Variants in LPP observed in about 807,000 individuals in gnomAD.
LPP encodes lipoma-preferred partner.
Under a neutral mutation model 60.4 loss-of-function variants are expected in LPP, and 38 were observed. That is an observed-to-expected ratio of 0.63 (90% CI 0.49 to 0.83). LPP has a LOEUF of 0.83. LPP is among the 40% of genes least tolerant of loss of function. The probability of loss-of-function intolerance (pLI) is 0.00; values close to 1 mark genes in which losing one functional copy is unlikely to be tolerated. For synonymous variants in LPP, 328 were observed against 290.8 expected (o/e 1.13, Z -1.30); for missense variants, 902 against 783.6 (o/e 1.15, Z -1.80).
At chr3:188,174,615 A>T (rs1722551468) in intron 1 of LPP, among the ~76,000 whole-genome samples, 1 of 152,198 alleles carries the variant, frequency 6.6e-6, no homozygotes, top group South Asian at 2.1e-4. Flanking sequence ...TACCCTGTAT[A>T]TCTTCCTTAT....
Position 188,424,484 on chromosome 3 carries a change from C to T in LPP, c.193+18171C>T, listed in dbSNP as rs1788753134. ...AAATTTAAACTAGTTTTTTCTACTT[C>T]TGTGAAGAATGTCAATGCTAGCTTG... On this transcript the variant is annotated intron_variant, in intron 4 of 11. Transcript: ENST00000617246. Among the ~76,000 whole-genome samples the T allele has an allele frequency of 2.0e-5, 3 of 152,038 alleles. No homozygotes were observed. In the South Asian group the frequency reaches 6.2e-4, roughly 32 times the overall value.
In LPP at chr3:188,884,389, A is replaced by G. The variant is rs774424230; in HGVS notation, c.*9910A>G. On this transcript the variant is annotated 3_prime_UTR_variant, in exon 12 of 12. Transcript: ENST00000617246. The stretch of plus-strand genomic sequence containing the variant: ...GTCATCCAGGGAAATTCAGAGACCA[A>G]TTGACTGCCAGGTGGCAAATCCACA... 8.7e-6 allele frequency: 2 copies of G among 230,138 alleles called. No individual in the cohort carries two copies. The highest frequency in any genetic ancestry group is 6.2e-5 in the East Asian group (1 of 16,154). The allele number at this position is 230,138 out of a possible 1,614,324, so 14.3% of individuals were successfully genotyped here.
intron 5 of LPP, among the ~76,000 whole-genome samples, chr3:188,507,657 C>T (rs1559813): frequency 6.6e-6 from 1 of 152,020 alleles, no homozygotes; most frequent in Admixed American, 6.5e-5. Flanking sequence ...CTGTGGTGCC[C>T]CAGAGAAGCG....
At chr3:188,659,162 A>G (rs2149087371) in intron 7 of LPP, among the ~76,000 whole-genome samples, 1 of 152,216 alleles carries the variant, frequency 6.6e-6, no homozygotes, top group Admixed American at 6.5e-5. Context: ...AGCAGGGATA[A>G]TTTTTCTTCA....
At chr3:188,437,315 C>T (rs1792575271) in intron 4 of LPP, among the ~76,000 whole-genome samples, 1 of 152,140 alleles carries the variant, frequency 6.6e-6, no homozygotes, top group African/African-American at 2.4e-5. Flanking sequence ...CTTGTGTATC[C>T]TTCAACAGGA....
intron 7 of LPP, among the ~76,000 whole-genome samples, chr3:188,623,504 C>T (rs898758568): frequency 2.6e-5 from 4 of 152,234 alleles, no homozygotes; most frequent in East Asian, 1.9e-4. Flanking sequence ...GTGGCCCACC[C>T]GCCTTGGCCC....
chr3:188,337,451 T>A (rs1761966526), intron 2 of LPP, among the ~76,000 whole-genome samples: 1 of 152,132 alleles, frequency 6.6e-6, no homozygotes, highest in African/African-American at 2.4e-5. Context: ...CTTGCTGGGA[T>A]CCTTTTGTGT....
At chr3:188,703,483 G>A (rs956920459) in intron 7 of LPP, among the ~76,000 whole-genome samples, 4 of 152,118 alleles carry the variant, frequency 2.6e-5, no homozygotes, top group Non-Finnish European at 2.9e-5. Flanking sequence ...AACTCTTAAC[G>A]GAGGAACCCT....
chr3:188,640,438 C>T (rs943757189), intron 7 of LPP, among the ~76,000 whole-genome samples: 4 of 148,672 alleles, frequency 2.7e-5, no homozygotes, highest in African/African-American at 7.4e-5. Flanking sequence ...TTAGTGGGTG[C>T]AGCGCACCAG....
chr3:188,701,488 T>C (rs1456177050), intron 7 of LPP, among the ~76,000 whole-genome samples: 1 of 152,244 alleles, frequency 6.6e-6, no homozygotes, highest in Non-Finnish European at 1.5e-5. Context: ...GCATATTGTA[T>C]TGCCGTAAGG....
At chr3:188,365,968 A>AC (rs1771038797) in intron 3 of LPP, among the ~76,000 whole-genome samples, 1 of 152,120 alleles carries the variant, frequency 6.6e-6, no homozygotes, top group Admixed American at 6.5e-5. Context: ...AACTACAGCC[A>AC]CCGCACTGTG....
At chr3:188,456,018 G>A (rs1579033905) in intron 4 of LPP, among the ~76,000 whole-genome samples, 2 of 152,220 alleles carry the variant, frequency 1.3e-5, no homozygotes, top group South Asian at 2.1e-4. Context: ...ACAGCTTCTC[G>A]AGTAGCTGGG....
At chr3:188,257,056 G>A (rs1465234534) in intron 2 of LPP, among the ~76,000 whole-genome samples, 4 of 152,170 alleles carry the variant, frequency 2.6e-5, no homozygotes, top group Non-Finnish European at 5.9e-5. Context: ...AGTTGTCTGA[G>A]GTTATGAGGT....
intron 9 of LPP, among the ~76,000 whole-genome samples, chr3:188,841,461 G>A (rs1012749738): frequency 5.5e-5 from 8 of 145,180 alleles, no homozygotes; most frequent in Non-Finnish European, 1.0e-4. Context: ...GCACGATCTC[G>A]GCTCACTGCA....
chr3:188,277,880 G>A (rs553454214), intron 2 of LPP, among the ~76,000 whole-genome samples: 22 of 152,234 alleles, frequency 1.4e-4, no homozygotes, highest in African/African-American at 4.6e-4. Flanking sequence ...ATTGTCATTC[G>A]CCCTAAACTA....
chr3:188,515,590 A>C (rs1271410167), intron 5 of LPP, among the ~76,000 whole-genome samples: 6 of 152,140 alleles, frequency 3.9e-5, no homozygotes, highest in Non-Finnish European at 8.8e-5. Context: ...CTCAGTTGTC[A>C]AGCCAGTATT....
chr3:188,455,046 TG>T (rs1797425129), intron 4 of LPP, among the ~76,000 whole-genome samples: 1 of 152,212 alleles, frequency 6.6e-6, no homozygotes, highest in African/African-American at 2.4e-5. Flanking sequence ...TGTTAATATG[TG>T]CTTTTATGTT....
intron 7 of LPP, among the ~76,000 whole-genome samples, chr3:188,665,854 T>TAA (rs756656592): frequency 5.9e-5 from 9 of 152,206 alleles, no homozygotes; most frequent in African/African-American, 2.2e-4. Flanking sequence ...TCAGTTTTGT[T>TAA]AACAAAGTAA....
intron 5 of LPP, among the ~76,000 whole-genome samples, chr3:188,501,914 T>TAA (rs1158049738): frequency 6.9e-6 from 1 of 145,470 alleles, no homozygotes. Flanking sequence ...GAGACTCCAT[T>TAA]AAAAAAAAAA....
Sources: allele counts gnomAD v4.1 joint callset (sites outside exome capture counted in the v4.1 genomes callset), GRCh38; gene constraint gnomAD v4.1.1; transcripts MANE v1.5; gene names NCBI Gene and HGNC (gene_info 2026-07-23, HGNC 2026-07-21).